GRM7: variants seen among roughly 807,000 people sequenced by gnomAD.
GRM7 encodes the protein metabotropic glutamate receptor 7.
A neutral mutation model predicts 84.5 loss-of-function variants in GRM7; 35 were observed. That is an observed-to-expected ratio of 0.41 (90% CI 0.32 to 0.55). The LOEUF is 0.55. GRM7 is among the 20% of genes least tolerant of loss of function. The pLI is 0.19. For synonymous variants in GRM7, 487 were observed against 455.1 expected, an observed-to-expected ratio of 1.07 and a Z score of -0.89; for missense variants, 1,003 against 1,194.6, an observed-to-expected ratio of 0.84 and a Z score of 2.36.
At chr3:7,611,476 C>T (rs1452037473) in intron 8 of GRM7, among the ~76,000 whole-genome samples, 1 of 152,082 alleles carries the variant, frequency 6.6e-6, no homozygotes, top group South Asian at 2.1e-4. Flanking sequence ...ACTGCTGCCA[C>T]CTATCATCAT....
intron 7 of GRM7, among the ~76,000 whole-genome samples, chr3:7,560,498 T>C (rs1693968200): frequency 6.6e-6 from 1 of 152,072 alleles, no homozygotes; most frequent in African/African-American, 2.4e-5. Context: ...TCTCTAACAC[T>C]CTGCTATTAA....
chr3:7,312,078 C>G (rs571415733), intron 4 of GRM7, among the ~76,000 whole-genome samples: 150 of 152,238 alleles, frequency 9.9e-4, no homozygotes, highest in Non-Finnish European at 1.9e-3. Context: ...TAAAGGAGAG[C>G]TGAATATTGA....
chr3:7,213,209 G>T (rs908503240), intron 2 of GRM7, among the ~76,000 whole-genome samples: 6 of 152,066 alleles, frequency 3.9e-5, no homozygotes, highest in Admixed American at 6.5e-5. Flanking sequence ...CTTTTCCAGA[G>T]GTCTAAGAAA....
chr3:7,353,445 C>A (rs1392851691), intron 4 of GRM7, among the ~76,000 whole-genome samples: 1 of 152,118 alleles, frequency 6.6e-6, no homozygotes, highest in South Asian at 2.1e-4. Context: ...AGTTAAAAAA[C>A]TTAGTTTATT....
At chr3:6,936,336 G>T (rs73019741) in intron 1 of GRM7, among the ~76,000 whole-genome samples, 2,043 of 152,272 alleles carry the variant, frequency 0.013, 31 homozygotes, top group Non-Finnish European at 0.02. Flanking sequence ...AGCCTAGAGG[G>T]TGGTTTTCCA....
At chr3:7,701,093 T>C (rs1255505421) in intron 9 of GRM7, among the ~76,000 whole-genome samples, 1 of 152,214 alleles carries the variant, frequency 6.6e-6, no homozygotes, top group East Asian at 1.9e-4. Flanking sequence ...TGCCGATATA[T>C]GATGTGGAAT....
intron 1 of GRM7, among the ~76,000 whole-genome samples, chr3:7,005,098 A>T (rs1187940896): frequency 6.6e-6 from 1 of 152,216 alleles, no homozygotes; most frequent in Admixed American, 6.5e-5. Context: ...CTCTTGAGAC[A>T]TATGGCCAGA....
intron 2 of GRM7, among the ~76,000 whole-genome samples, chr3:7,247,783 C>G (rs1697831168): frequency 6.6e-6 from 1 of 151,918 alleles, no homozygotes; most frequent in Admixed American, 6.6e-5. Flanking sequence ...AATAAAAACA[C>G]AATTCAGTAA....
intron 1 of GRM7, among the ~76,000 whole-genome samples, chr3:7,094,820 C>T (rs1698796114): frequency 6.6e-6 from 1 of 152,076 alleles, no homozygotes. Context: ...ATGTAAATCA[C>T]TTAGCATATA....
At chr3:7,704,650 CA>C (rs1355860670) in intron 9 of GRM7, among the ~76,000 whole-genome samples, 2 of 152,044 alleles carry the variant, frequency 1.3e-5, no homozygotes, top group Non-Finnish European at 2.9e-5. Context: ...AGGATGCTAC[CA>C]AAAGGGTACA....
At chr3:6,932,930 T>C (rs1697561560) in intron 1 of GRM7, among the ~76,000 whole-genome samples, 1 of 151,918 alleles carries the variant, frequency 6.6e-6, no homozygotes, top group African/African-American at 2.4e-5. Flanking sequence ...AATTTTTGTA[T>C]TTCTAATAGA....
chr3:7,633,985 G>A (rs1697964778), intron 8 of GRM7, among the ~76,000 whole-genome samples: 2 of 152,102 alleles, frequency 1.3e-5, no homozygotes, highest in African/African-American at 4.8e-5. Context: ...CTTTCCTTTT[G>A]TTCACAAGAT....
intron 1 of GRM7, among the ~76,000 whole-genome samples, chr3:6,913,416 G>T (rs960278802): frequency 6.6e-6 from 1 of 152,132 alleles, no homozygotes; most frequent in South Asian, 2.1e-4. Flanking sequence ...ACTTAGAAAA[G>T]TTGGAATTTT....
intron 9 of GRM7, among the ~76,000 whole-genome samples, chr3:7,687,981 G>A (rs569028027): frequency 6.6e-6 from 1 of 152,158 alleles, no homozygotes; most frequent in East Asian, 1.9e-4. Flanking sequence ...ATATGTAACT[G>A]TATTCCCGTG....
At chr3:7,169,874 G>A (rs1694926078) in intron 2 of GRM7, among the ~76,000 whole-genome samples, 1 of 152,098 alleles carries the variant, frequency 6.6e-6, no homozygotes, top group South Asian at 2.1e-4. Flanking sequence ...AGTCTTGTAG[G>A]GAGACAAACA....
chr3:7,098,450 A>G (rs1163245610), intron 1 of GRM7, among the ~76,000 whole-genome samples: 3 of 152,034 alleles, frequency 2.0e-5, no homozygotes, highest in Non-Finnish European at 2.9e-5. Flanking sequence ...AAATGAAGAT[A>G]ATGCTATTAA....
rs538443649 is a variant in GRM7 at position 7,315,489 on chromosome 3, T to G, written c.1033+8837T>G. Among the ~76,000 whole-genome samples the G allele has an allele frequency of 5.3e-5, 8 of 152,334 alleles. No individual in the cohort carries two copies. In the East Asian group the frequency reaches 1.5e-3, roughly 29 times the overall value. ...TTCACCTCACAGTGTTTTCTAGCAA[T>G]GCCTCCCTATTCTCCACCCTGAGAA... On this transcript the variant is annotated intron_variant, in intron 4 of 9. Transcript: ENST00000357716.
chr3:6,933,324 C>T (rs1697574845), intron 1 of GRM7, among the ~76,000 whole-genome samples: 1 of 152,086 alleles, frequency 6.6e-6, no homozygotes, highest in South Asian at 2.1e-4. Flanking sequence ...GGAGAGTTTC[C>T]TTGTTAGGTT....
intron 1 of GRM7, among the ~76,000 whole-genome samples, chr3:7,063,798 C>A (rs1471860962): frequency 2.6e-5 from 4 of 151,670 alleles, no homozygotes; most frequent in Non-Finnish European, 5.9e-5. Flanking sequence ...TATTAACTTG[C>A]CCTTTTCTCC....
Sources: allele counts gnomAD v4.1 joint callset (sites outside exome capture counted in the v4.1 genomes callset), GRCh38; gene constraint gnomAD v4.1.1; transcripts MANE v1.5; gene names NCBI Gene and HGNC (gene_info 2026-07-23, HGNC 2026-07-21).